ZNF385D: variants seen among roughly 807,000 people sequenced by gnomAD.
ZNF385D encodes the protein zinc finger protein 659.
ZNF385D carries 15 observed loss-of-function variants against 35.8 expected under a neutral mutation model. The observed-to-expected ratio is 0.42, with a 90% CI of 0.28 to 0.64. ZNF385D has a LOEUF of 0.64. Among genes scored for constraint, ZNF385D ranks in the 30% least tolerant of loss-of-function variants. The pLI, the probability that ZNF385D is intolerant of heterozygous loss-of-function variation, is 0.23. For synonymous variants in ZNF385D, 212 were observed against 186.8 expected (o/e 1.13, Z -1.10); for missense variants, 474 against 494.6 (o/e 0.96, Z 0.39).
At chr3:21,460,405 A>G (rs149042137) in intron 4 of ZNF385D, among the ~76,000 whole-genome samples, 1 of 152,344 alleles carries the variant, frequency 6.6e-6, no homozygotes, top group Non-Finnish European at 1.5e-5. Flanking sequence ...TGGGTGGATA[A>G]TGAATATTTG....
intron 2 of ZNF385D, among the ~76,000 whole-genome samples, chr3:21,611,847 C>A (rs2064688979): frequency 6.6e-6 from 1 of 151,954 alleles, no homozygotes; most frequent in African/African-American, 2.4e-5. Context: ...GAGACCTGAG[C>A]ACCTTGACTG....
chr3:22,000,971 A>G (rs1576124373), intron 3 of ZNF385D, among the ~76,000 whole-genome samples: 2 of 152,236 alleles, frequency 1.3e-5, no homozygotes, highest in East Asian at 1.9e-4. Context: ...AAAATAAAAT[A>G]AAATTCATTT....
intron 3 of ZNF385D, among the ~76,000 whole-genome samples, chr3:22,039,332 T>C (rs1023116191): frequency 2.7e-5 from 4 of 148,740 alleles, no homozygotes; most frequent in African/African-American, 7.5e-5. Flanking sequence ...TCCCAGAAAA[T>C]GTCAACTTCC....
chr3:21,828,929 T>C (rs555665230), intron 3 of ZNF385D, among the ~76,000 whole-genome samples: 2 of 152,310 alleles, frequency 1.3e-5, no homozygotes, highest in East Asian at 1.9e-4. Flanking sequence ...TCCATCTTCA[T>C]GTCTCCTTTC....
chr3:22,202,499 C>T (rs1207391915), intron 2 of ZNF385D, among the ~76,000 whole-genome samples: 1 of 151,912 alleles, frequency 6.6e-6, no homozygotes, highest in Non-Finnish European at 1.5e-5. Context: ...AGCAAGATGG[C>T]CAAATGGAAG....
At chr3:22,158,029 T>C (rs1054677984) in intron 3 of ZNF385D, among the ~76,000 whole-genome samples, 3 of 152,100 alleles carry the variant, frequency 2.0e-5, no homozygotes, top group African/African-American at 7.2e-5. Flanking sequence ...ATTCCAGATG[T>C]AAGATGAAAG....
At chr3:21,723,653 A>G (rs1166913893) in intron 1 of ZNF385D, among the ~76,000 whole-genome samples, 1 of 152,244 alleles carries the variant, frequency 6.6e-6, no homozygotes, top group Non-Finnish European at 1.5e-5. Context: ...GACTATGTGA[A>G]AAGACCAAAT....
chr3:22,033,457 T>C (rs1337446854), intron 3 of ZNF385D, among the ~76,000 whole-genome samples: 4 of 148,740 alleles, frequency 2.7e-5, no homozygotes, highest in Non-Finnish European at 5.9e-5. Flanking sequence ...GTGATATGAG[T>C]TAAAGACATA....
At chr3:22,085,484 G>A (rs1255703576) in intron 3 of ZNF385D, among the ~76,000 whole-genome samples, 1 of 152,144 alleles carries the variant, frequency 6.6e-6, no homozygotes, top group Non-Finnish European at 1.5e-5. Context: ...AGAAGAAATG[G>A]ATAAATTCCT....
intron 3 of ZNF385D, among the ~76,000 whole-genome samples, chr3:21,876,752 A>G (rs1183925837): frequency 2.6e-5 from 4 of 151,904 alleles, no homozygotes; most frequent in African/African-American, 9.7e-5. Flanking sequence ...GTTTTGTAGT[A>G]CAAAATCTTT....
intron 2 of ZNF385D, among the ~76,000 whole-genome samples, chr3:22,235,046 A>G (rs558163726): frequency 2.0e-5 from 3 of 152,108 alleles, no homozygotes; most frequent in Admixed American, 1.3e-4. Flanking sequence ...GGAGCCACTA[A>G]GGCACGAGTT....
chr3:21,473,468 A>T (rs1704031232), intron 4 of ZNF385D, among the ~76,000 whole-genome samples: 1 of 151,926 alleles, frequency 6.6e-6, no homozygotes, highest in South Asian at 2.1e-4. Flanking sequence ...TTGTCTGGGG[A>T]AATGTTTTAT....
chr3:22,330,471 A>G (rs1694883310), intron 2 of ZNF385D, among the ~76,000 whole-genome samples: 1 of 151,962 alleles, frequency 6.6e-6, no homozygotes, highest in South Asian at 2.1e-4. Context: ...TGATGTCTTC[A>G]CCCTTTATTT....
intron 2 of ZNF385D, among the ~76,000 whole-genome samples, chr3:21,590,922 G>T (rs907522864): frequency 2.0e-5 from 3 of 152,022 alleles, no homozygotes; most frequent in African/African-American, 7.2e-5. Context: ...CAGGCCAGAC[G>T]CAACTTCTCA....
chr3:22,080,796 G>C (rs1021951021), intron 3 of ZNF385D, among the ~76,000 whole-genome samples: 1 of 152,094 alleles, frequency 6.6e-6, no homozygotes, highest in African/African-American at 2.4e-5. Flanking sequence ...TTTGGGATTA[G>C]TGGGTTTTAT....
intron 3 of ZNF385D, among the ~76,000 whole-genome samples, chr3:22,047,421 C>A (rs969843057): frequency 6.6e-6 from 1 of 152,090 alleles, no homozygotes; most frequent in African/African-American, 2.4e-5. Context: ...TCCTCAGCCT[C>A]TAGTAACCAC....
chr3:22,336,090 A>G (rs1695148213), intron 2 of ZNF385D, among the ~76,000 whole-genome samples: 1 of 152,128 alleles, frequency 6.6e-6, no homozygotes, highest in Non-Finnish European at 1.5e-5. Flanking sequence ...AAGTAATCTG[A>G]AAGATTGGGA....
At chr3:21,554,079 G>T (rs1399600225) in intron 3 of ZNF385D, among the ~76,000 whole-genome samples, 1 of 152,138 alleles carries the variant, frequency 6.6e-6, no homozygotes, top group Non-Finnish European at 1.5e-5. Context: ...TTAATGGCAT[G>T]TAGAATGGTG....
At chr3:21,820,061 A>C (rs185037583) in intron 3 of ZNF385D, among the ~76,000 whole-genome samples, 7 of 151,420 alleles carry the variant, frequency 4.6e-5, no homozygotes, top group Non-Finnish European at 8.9e-5. Flanking sequence ...AGAATATAAA[A>C]TATGTGAATA....
Sources: allele counts gnomAD v4.1 joint callset (sites outside exome capture counted in the v4.1 genomes callset), GRCh38; gene constraint gnomAD v4.1.1; transcripts MANE v1.5; gene names NCBI Gene and HGNC (gene_info 2026-07-23, HGNC 2026-07-21).